RSRC1: variants seen among roughly 807,000 people sequenced by gnomAD.
RSRC1 encodes the protein arginine and serine rich coiled-coil 1.
In RSRC1, 39 loss-of-function variants were observed where a neutral mutation model predicts 49.1. The ratio of observed to expected loss-of-function variants is 0.79; its 90% CI spans 0.61 to 1.04. RSRC1 has a LOEUF of 1.04. Ranked by LOEUF, RSRC1 falls within the 50% of genes least tolerant of loss-of-function variation. The pLI is 0.00. For missense variants in RSRC1, 388 were observed against 402.4 expected, an observed-to-expected ratio of 0.96 and a Z score of 0.31; for synonymous variants, 143 against 130.8, an observed-to-expected ratio of 1.09 and a Z score of -0.63.
Position 158,203,237 on chromosome 3 carries a change from C to G in RSRC1, c.486C>G (p.Ile162Met), listed in dbSNP as rs774983597. 1 of 1,583,374 alleles carries G rather than the reference C, an allele frequency of 6.3e-7. No individual in the cohort carries two copies. The highest frequency in any genetic ancestry group is 1.3e-5 in the African/African-American group (1 of 74,438). Reference protein sequence around the residue: ...DKGKDKELHNIKRGESGNIKA... With the variant: ...DKGKDKELHNMKRGESGNIKA... ...GGAAGGACAAGGAATTACATAACAT[C>G]AAACGTGGGTAAGTTGGAGCAAATC... Residue 162 changes from isoleucine to methionine, a missense_variant, in exon 4 of 10, where the codon ATC (isoleucine) becomes ATG (methionine). Ile to Met is a conservative substitution (Grantham distance 10). Transcript: ENST00000611884.
chr3:158,379,203 T>TC lies in RSRC1; in HGVS notation c.583+24295_583+24296insC, dbSNP rs1218426701. Among the ~76,000 whole-genome samples, 3 of 141,450 alleles carry TC rather than the reference T, an allele frequency of 2.1e-5. No individual in the cohort carries two copies. The East Asian group carries it at 6.1e-4, about 29-fold the overall frequency. The allele number at this position is 141,450 out of a possible 152,430, so 92.8% of individuals were successfully genotyped here. A position where few individuals can be genotyped will look rare whatever the true frequency, so the allele number is the denominator to read the frequency against. On this transcript the variant is annotated intron_variant, in intron 6 of 9. Coordinates refer to ENST00000611884, the MANE Select transcript of RSRC1 (RefSeq NM_001271838.2). ...GATCAGAAATACCACTTTTTTTTTT[T>TC]TTTTTTTTTTTTTTTGAGACCGAGT...
chr3:158,202,562 T>TTTTATATATATATATG lies in RSRC1; in HGVS notation c.321-509_321-508insTTATATATATATATGT, dbSNP rs369404609. Among the ~76,000 whole-genome samples, 5 of 92,024 alleles carry TTTTATATATATATATG rather than the reference T, an allele frequency of 5.4e-5. 1 individual carries two copies. The highest frequency in any genetic ancestry group is 1.0e-4 in the Non-Finnish European group (5 of 50,094). 60.4% of individuals were successfully genotyped at this position (92,024 alleles called of 152,430 possible). A position where few individuals can be genotyped will look rare whatever the true frequency, so the allele number is the denominator to read the frequency against. On this transcript the variant is annotated intron_variant, in intron 3 of 9. Coordinates refer to ENST00000611884, the MANE Select transcript of RSRC1 (RefSeq NM_001271838.2). ...TCTGTAGGGTTGTCAGTCTGGTAGA[T>TTTTATATATATATATG]TATATATATATATATATATGTTTTA...
At chr3:158,147,321 A>G (rs1321926231) in intron 3 of RSRC1, among the ~76,000 whole-genome samples, 3 of 151,530 alleles carry the variant, frequency 2.0e-5, no homozygotes, top group East Asian at 1.9e-4. Context: ...GCTCACTGCA[A>G]CCTTGACCAC....
chr3:158,405,848 G>T (rs1209411175), intron 6 of RSRC1, among the ~76,000 whole-genome samples: 1 of 152,046 alleles, frequency 6.6e-6, no homozygotes, highest in Non-Finnish European at 1.5e-5. Context: ...ATGAATCATT[G>T]TATCTGGTAT....
chr3:158,340,472 C>T (rs373278047), intron 5 of RSRC1, among the ~76,000 whole-genome samples: 37 of 152,080 alleles, frequency 2.4e-4, no homozygotes, highest in East Asian at 7.7e-4. Context: ...ACCCGGGAGG[C>T]GGAGGTTGCA....
At chr3:158,502,607 C>T (rs1460344397) in intron 7 of RSRC1, among the ~76,000 whole-genome samples, 1 of 151,886 alleles carries the variant, frequency 6.6e-6, no homozygotes, top group Non-Finnish European at 1.5e-5. Flanking sequence ...AATTTAAAGA[C>T]CTTGTCTTTG....
chr3:158,530,945 AAACTC>A (rs1172801656), intron 7 of RSRC1, among the ~76,000 whole-genome samples: 1 of 149,830 alleles, frequency 6.7e-6, no homozygotes, highest in African/African-American at 2.4e-5. Flanking sequence ...AAAAAAAAAA[AAACTC>A]ACCACTGAAA....
chr3:158,119,618 G>A (rs1379938342), intron 1 of RSRC1, among the ~76,000 whole-genome samples: 1 of 151,622 alleles, frequency 6.6e-6, no homozygotes, highest in African/African-American at 2.4e-5. Context: ...AAGTATATGT[G>A]TGTGTGTATA....
intron 6 of RSRC1, among the ~76,000 whole-genome samples, chr3:158,450,650 T>C (rs1736976754): frequency 2.0e-5 from 3 of 151,928 alleles, no homozygotes; most frequent in Non-Finnish European, 1.5e-5. Context: ...ATAGTCTTTA[T>C]ATATGCAGAA....
At chr3:158,509,435 A>G (rs1000059772) in intron 7 of RSRC1, among the ~76,000 whole-genome samples, 9 of 152,156 alleles carry the variant, frequency 5.9e-5, no homozygotes, top group African/African-American at 1.7e-4. Context: ...TTTTATGCGT[A>G]TTCTTCTCTT....
intron 6 of RSRC1, among the ~76,000 whole-genome samples, chr3:158,436,144 A>T (rs1736030298): frequency 6.6e-6 from 1 of 151,942 alleles, no homozygotes; most frequent in Non-Finnish European, 1.5e-5. Flanking sequence ...GCCATGTCTG[A>T]TATGACACTA....
At chr3:158,287,894 T>G (rs1274752134) in intron 4 of RSRC1, among the ~76,000 whole-genome samples, 5 of 152,204 alleles carry the variant, frequency 3.3e-5, no homozygotes, top group Non-Finnish European at 5.9e-5. Flanking sequence ...CATTTATTAT[T>G]TGAAGGGTCA....
At chr3:158,300,438 T>G (rs1389934100) in intron 5 of RSRC1, among the ~76,000 whole-genome samples, 1 of 152,190 alleles carries the variant, frequency 6.6e-6, no homozygotes, top group Non-Finnish European at 1.5e-5. Context: ...TTTATAAACC[T>G]TTCTAAAAAG....
At chr3:158,219,020 A>G (rs1722097278) in intron 4 of RSRC1, among the ~76,000 whole-genome samples, 1 of 151,640 alleles carries the variant, frequency 6.6e-6, no homozygotes, top group Non-Finnish European at 1.5e-5. Flanking sequence ...ATACTAGGGG[A>G]GCATATTGAA....
intron 4 of RSRC1, among the ~76,000 whole-genome samples, chr3:158,214,651 T>G (rs889709603): frequency 6.6e-6 from 1 of 151,860 alleles, no homozygotes; most frequent in African/African-American, 2.4e-5. Flanking sequence ...TTCTCAATAT[T>G]TTCTAATTTT....
intron 4 of RSRC1, among the ~76,000 whole-genome samples, chr3:158,257,829 G>A (rs1220344665): frequency 6.6e-6 from 1 of 152,004 alleles, no homozygotes; most frequent in African/African-American, 2.4e-5. Flanking sequence ...AGGTTACCAT[G>A]AGGCTTGAAA....
intron 7 of RSRC1, among the ~76,000 whole-genome samples, chr3:158,513,557 G>C (rs1392831559): frequency 6.6e-6 from 1 of 152,152 alleles, no homozygotes; most frequent in Non-Finnish European, 1.5e-5. Flanking sequence ...TGTTCATCAA[G>C]GATATTGGCC....
chr3:158,363,319 A>G (rs945205608), intron 6 of RSRC1, among the ~76,000 whole-genome samples: 3 of 149,610 alleles, frequency 2.0e-5, no homozygotes, highest in African/African-American at 7.4e-5. Context: ...GCTGGAGTAC[A>G]GTGGCACAAG....
intron 3 of RSRC1, among the ~76,000 whole-genome samples, chr3:158,161,854 C>G (rs1718242948): frequency 6.6e-6 from 1 of 152,050 alleles, no homozygotes; most frequent in Non-Finnish European, 1.5e-5. Context: ...AAGATCTCAT[C>G]AATTAAAAGG....
Sources: allele counts gnomAD v4.1 joint callset (sites outside exome capture counted in the v4.1 genomes callset), GRCh38; gene constraint gnomAD v4.1.1; transcripts MANE v1.5; gene names NCBI Gene and HGNC (gene_info 2026-07-23, HGNC 2026-07-21).